The following MYO9B variants were observed in gnomAD, a reference collection of about 807,000 sequenced individuals.
MYO9B encodes myosin IXB, also known as unconventional myosin-IXb.
Under a neutral mutation model 229.5 loss-of-function variants are expected in MYO9B, and 71 were observed. That is an observed-to-expected ratio of 0.31 (90% CI 0.26 to 0.38). The LOEUF is 0.38. MYO9B is among the 10% of genes least tolerant of loss of function. The pLI, the probability that MYO9B is intolerant of heterozygous loss-of-function variation, is 1.00. For missense variants in MYO9B, 2,255 were observed against 2,920.5 expected, an observed-to-expected ratio of 0.77 and a Z score of 5.25; for synonymous variants, 1,185 against 1,235.8, an observed-to-expected ratio of 0.96 and a Z score of 0.86.
At chr19:17,094,014 C>CG (rs2057664490) in intron 1 of MYO9B, among the ~76,000 whole-genome samples, 2 of 118,302 alleles carry the variant, frequency 1.7e-5, no homozygotes, top group Non-Finnish European at 3.5e-5. Context: ...CTGCAGCTGG[C>CG]TTTGTTGTTG....
chr19:17,093,332 CAA>C (rs200288865), intron 1 of MYO9B, among the ~76,000 whole-genome samples: 7 of 133,086 alleles, frequency 5.3e-5, no homozygotes, highest in Non-Finnish European at 3.3e-5. Context: ...ACTCCCATTT[CAA>C]AAAAAAAAAA....
In MYO9B at chr19:17,172,848, C is replaced by T. The variant is rs2279006; in HGVS notation, c.2025C>T (p.Ile675=). 0.086 allele frequency: 138,701 copies of T among 1,610,452 alleles called. 7,648 individuals carry two copies. The highest frequency in any genetic ancestry group is 0.28 in the African/African-American group (20,916 of 74,956). The change falls in exon 13 of 40, where the codon ATC becomes ATT. Residue 675 remains isoleucine, a synonymous_variant. Coordinates refer to ENST00000682292, the MANE Select transcript of MYO9B (RefSeq NM_004145.4). The surrounding 1 kb of genome is among the most constrained non-coding windows in gnomAD (Gnocchi z 8.2). ...ACAGCTCCTACGTGCGGGAGCTCAT[C>T]GGCATGGACCCCGTGGCCGTGTTCC... The part of the protein sequence containing the change: ...GSDSSYVREL[I]GMDPVAVFRW...
Position 17,192,773 on chromosome 19 carries a change from G to T in MYO9B, c.2839G>T (p.Ala947Ser), listed in dbSNP as rs1263099057. Residue 947 changes from alanine (A) to serine (S), a missense_variant, in exon 21 of 40, where the codon GCC (alanine) becomes TCC (serine). Physicochemically the swap from Ala to Ser is moderately conservative, Grantham distance 99. This residue lies in a region of MYO9B where 679 missense variants were observed against 770.2 expected (regional missense o/e 0.88). Transcript: ENST00000682292. ...KVFLKETERQ[A>S]LQETLHREVV... The stretch of plus-strand genomic sequence containing the variant: ...CTTCCTGAAGGAGACGGAGCGGCAA[G>T]CCCTGCAGGAGACGCTGCACCGGGA... The T allele has an allele frequency of 1.3e-6, 2 of 1,555,076 alleles. No homozygotes were observed. Among genetic ancestry groups the T allele is most frequent in the South Asian group, 1.2e-5 (1 of 84,044 alleles).
chr19:17,162,473 G>A lies in MYO9B; in HGVS notation c.1536+7G>A. The A allele has an allele frequency of 6.4e-7, 1 of 1,553,322 alleles. No homozygotes were observed. Among genetic ancestry groups the A allele is most frequent in the East Asian group, 2.4e-5 (1 of 41,200 alleles). ...CGTGGAAGAGGCAGTCTCGGTGAGT[G>A]CCCCCATTTGCTTCCTCAAGCCCGG... On this transcript the variant is annotated splice_region_variant and intron_variant, in intron 9 of 39. Coordinates refer to ENST00000682292, the MANE Select transcript of MYO9B (RefSeq NM_004145.4).
intron 6 of MYO9B, among the ~76,000 whole-genome samples, chr19:17,155,516 G>T (rs1306399346): frequency 6.6e-6 from 1 of 152,162 alleles, no homozygotes; most frequent in Non-Finnish European, 1.5e-5. Context: ...GGTGGCTCAT[G>T]CCTGTTATCC....
intron 2 of MYO9B, among the ~76,000 whole-genome samples, chr19:17,139,870 C>T (rs1306483429): frequency 1.3e-5 from 2 of 152,004 alleles, no homozygotes; most frequent in African/African-American, 4.8e-5. Flanking sequence ...GGAGAAACCC[C>T]GTCTCTACTA....
Position 17,200,311 on chromosome 19 carries a change from T to C in MYO9B, c.4257T>C (p.Leu1419=). 3.7e-6 allele frequency: 6 copies of C among 1,612,548 alleles called. No individual in the cohort carries two copies. The highest frequency in any genetic ancestry group is 5.1e-6 in the Non-Finnish European group (6 of 1,179,548). ...CCTGCAGATCCACGTTTAAGAGGCT[T>C]TTTCTGCATAAAACCAAGGATAAAA... ...QVDSKSTFKR[L]FLHKTKDKKY... is the part of the protein sequence containing the mutation. The change falls in exon 25 of 40, where the codon CTT becomes CTC. Residue 1419 remains leucine (L), a synonymous_variant. Transcript: ENST00000682292.
In MYO9B at chr19:17,160,216, C is replaced by T. The variant is rs541628644; in HGVS notation, c.1419+732C>T. 3.9e-5 allele frequency among the ~76,000 whole-genome samples: 6 copies of T among 152,128 alleles called. No homozygotes were observed. The South Asian group carries it at 6.2e-4, about 16-fold the overall frequency. On this transcript the variant is annotated intron_variant, in intron 8 of 39. Transcript: ENST00000682292. ...CTGCTGTGGCATTTCAAACAGGCAC[C>T]GGGGACATTCTGAGCCCACATGGGT...
chr19:17,145,973 G>A (rs775211419), intron 3 of MYO9B, among the ~76,000 whole-genome samples: 1 of 150,700 alleles, frequency 6.6e-6, no homozygotes, highest in Non-Finnish European at 1.5e-5. Flanking sequence ...ATGGATGGAT[G>A]GATGGATGGT....
At chr19:17,141,830 C>T (rs1424153753) in intron 2 of MYO9B, among the ~76,000 whole-genome samples, 1 of 152,154 alleles carries the variant, frequency 6.6e-6, no homozygotes, top group African/African-American at 2.4e-5. Flanking sequence ...CACACACTTC[C>T]CTGTATGTGT....
chr19:17,137,440 C>T (rs2072285054), intron 2 of MYO9B, among the ~76,000 whole-genome samples: 1 of 152,122 alleles, frequency 6.6e-6, no homozygotes, highest in South Asian at 2.1e-4. Context: ...GAGCAAGGCT[C>T]ATGTGGTGAC....
chr19:17,150,445 G>A (rs1026956350), intron 3 of MYO9B, among the ~76,000 whole-genome samples: 1 of 152,032 alleles, frequency 6.6e-6, no homozygotes. Context: ...GGAGAGACAG[G>A]CGTTCAGCAG....
rs145733121 is a variant in MYO9B, at chr19:17,138,063, C to G, written c.841-7334C>G. Among the ~76,000 whole-genome samples the G allele has an allele frequency of 3.3e-5, 5 of 152,230 alleles. No homozygotes were observed. In the East Asian group the frequency reaches 9.7e-4, roughly 29 times the overall value. On this transcript the variant is annotated intron_variant, in intron 2 of 39. Coordinates refer to ENST00000682292, the MANE Select transcript of MYO9B (RefSeq NM_004145.4). ...TTATCCCTCTCCTAGCCCCCTACCC[C>G]CTACAGGCCCTGGTGTGTGATGTTC...
At position 17,167,968 on chromosome 19, in the gene MYO9B, C is replaced by A; in HGVS notation, c.1697C>A (p.Thr566Lys). ...EQEEYQGEGI[T>K]WHNIGYTDNV... ...GAGGAATATCAGGGCGAGGGGATCA[C>A]GTGGCACAACATCGGCTACACAGAC... is the stretch of plus-strand genomic sequence containing the variant. Residue 566 changes from threonine to lysine, a missense_variant, in exon 11 of 40, where the codon ACG (threonine) becomes AAG (lysine). Thr to Lys is a moderately conservative substitution (Grantham distance 78). Transcript: ENST00000682292. The A allele has an allele frequency of 2.5e-6, 4 of 1,588,784 alleles. No homozygotes were observed. The highest frequency in any genetic ancestry group is 3.4e-6 in the Non-Finnish European group (4 of 1,167,604).
At chr19:17,079,961 A>G (rs1295786486) in intron 1 of MYO9B, among the ~76,000 whole-genome samples, 1 of 152,106 alleles carries the variant, frequency 6.6e-6, no homozygotes, top group African/African-American at 2.4e-5. Context: ...GTTCCCTTTC[A>G]ATTTCTATCG....
At position 17,162,477 on chromosome 19, in the gene MYO9B, C is replaced by G; in HGVS notation, c.1536+11C>G. 1.9e-6 allele frequency: 3 copies of G among 1,550,912 alleles called. No homozygotes were observed. In the South Asian group the frequency reaches 3.6e-5, roughly 18 times the overall value. On this transcript the variant is annotated intron_variant, in intron 9 of 39. Coordinates refer to ENST00000682292, the MANE Select transcript of MYO9B (RefSeq NM_004145.4). ...GAAGAGGCAGTCTCGGTGAGTGCCC[C>G]CATTTGCTTCCTCAAGCCCGGCCAG...
chr19:17,142,305 G>A (rs2072351516), intron 2 of MYO9B, among the ~76,000 whole-genome samples: 3 of 152,148 alleles, frequency 2.0e-5, no homozygotes, highest in African/African-American at 7.2e-5. Context: ...AGGGACTAGG[G>A]GAGGGAAATG....
Position 17,101,584 on chromosome 19 carries a change from C to T in MYO9B, c.-58-76C>T, listed in dbSNP as rs1232936675. 1.5e-6 allele frequency: 2 copies of T among 1,360,210 alleles called. No homozygotes were observed. Among genetic ancestry groups the T allele is most frequent in the Admixed American group, 2.9e-5 (1 of 35,078 alleles). The allele number at this position is 1,360,210 out of a possible 1,614,324, so 84.3% of individuals were successfully genotyped here. ...AGCATCGGGTCAGGTGCTATCTGCCCAGGAGTGGGACTCCACATGCCCCTT... is the reference window on the plus strand; with the variant it reads ...AGCATCGGGTCAGGTGCTATCTGCCTAGGAGTGGGACTCCACATGCCCCTT... On this transcript the variant is annotated intron_variant, in intron 1 of 39. Coordinates refer to ENST00000682292, the MANE Select transcript of MYO9B (RefSeq NM_004145.4). The surrounding 1 kb of genome is among the most constrained non-coding windows in gnomAD (Gnocchi z 4.7).
intron 15 of MYO9B, among the ~76,000 whole-genome samples, chr19:17,183,434 C>G (rs141401121): frequency 0.012 from 1,872 of 152,328 alleles, 37 homozygotes; most frequent in African/African-American, 0.043. Flanking sequence ...CCGCCCCACT[C>G]GGCATCCTGC....
Sources: allele counts gnomAD v4.1 joint callset (sites outside exome capture counted in the v4.1 genomes callset), GRCh38; gene constraint gnomAD v4.1.1; regional missense constraint gnomAD v4.1.1; non-coding constraint Gnocchi (gnomAD v3.1); transcripts MANE v1.5; gene names NCBI Gene and HGNC (gene_info 2026-07-23, HGNC 2026-07-21).